Variants in CRYBG3 observed in about 807,000 individuals in gnomAD.
CRYBG3 encodes the protein crystallin beta-gamma domain containing 3, also known as very large A-kinase anchor protein.
A neutral mutation model predicts 244.2 loss-of-function variants in CRYBG3; 127 were observed. That is an observed-to-expected ratio of 0.52 (90% CI 0.45 to 0.60). The LOEUF is 0.60. Ranked by LOEUF, CRYBG3 falls within the 20% of genes least tolerant of loss-of-function variation. The pLI, the probability that CRYBG3 is intolerant of heterozygous loss-of-function variation, is 0.00. For synonymous variants in CRYBG3, 1,132 were observed against 1,195.8 expected, an observed-to-expected ratio of 0.95 and a Z score of 1.10; for missense variants, 3,325 against 3,442.5, an observed-to-expected ratio of 0.97 and a Z score of 0.85.
intron 3 of CRYBG3, among the ~76,000 whole-genome samples, chr3:97,866,274 C>G (rs981564633): frequency 4.6e-5 from 7 of 152,128 alleles, no homozygotes; most frequent in Admixed American, 2.0e-4. Flanking sequence ...CAATATATAT[C>G]AAGAGCCTTA....
chr3:97,871,557 C>T (rs141499059), intron 3 of CRYBG3, among the ~76,000 whole-genome samples: 8 of 152,286 alleles, frequency 5.3e-5, no homozygotes, highest in South Asian at 4.1e-4. Context: ...GGCTTGGACT[C>T]ATATTCTGTT....
chr3:97,915,539 ACAG>A, intron 16 of CRYBG3, 68 bp from the exon 17 acceptor site: 1 of 1,499,896 alleles, frequency 6.7e-7, no homozygotes, highest in East Asian at 2.3e-5. Flanking sequence ...CCCAATTCCC[ACAG>A]CATGATAATG....
chr3:97,875,394 C>T lies in CRYBG3; in HGVS notation c.4200C>T (p.Leu1400=). The T allele has an allele frequency of 1.4e-6, 2 of 1,406,082 alleles. No individual in the cohort carries two copies. Among genetic ancestry groups the T allele is most frequent in the South Asian group, 1.7e-5 (1 of 59,544 alleles). The allele number at this position is 1,406,082 out of a possible 1,614,324, so 87.1% of individuals were successfully genotyped here. The change falls in exon 4 of 22, where the codon CTC becomes CTT. Residue 1400 remains leucine, a synonymous_variant. Coordinates refer to ENST00000389622, the MANE Select transcript of CRYBG3 (RefSeq NM_153605.4). ...CAATTAAGGGAGGAGAAATTGTTCT[C>T]TACCAAAAATCCCTATTTTCTGGAA... ...TESIKGGEIV[L]YQKSLFSGNG...
intron 11 of CRYBG3, 105 bp downstream of exon 11, chr3:97,893,098 T>C: frequency 2.0e-6 from 2 of 987,422 alleles, no homozygotes; most frequent in South Asian, 1.6e-5. Context: ...TCTAAAAATA[T>C]ACATTCCTTC....
rs749913238 is a variant in CRYBG3, at chr3:97,873,598, T to C, written c.2404T>C (p.Ser802Pro). Residue 802 changes from serine (S) to proline (P), a missense_variant, in exon 4 of 22, where the codon TCT (serine) becomes CCT (proline). Ser to Pro is a moderately conservative substitution (Grantham distance 74). Coordinates refer to ENST00000389622, the MANE Select transcript of CRYBG3 (RefSeq NM_153605.4). ...TATGAGCATAATAGAGAAGTCTGAT[T>C]CTCTTTCCTTGGAAGCCAAAACTGC... ...ANMSIIEKSDSLSLEAKTANI... is the reference protein window; with the variant it reads ...ANMSIIEKSDPLSLEAKTANI... 1.4e-5 allele frequency: 21 copies of C among 1,534,574 alleles called. No individual in the cohort carries two copies. The African/African-American group carries it at 2.1e-4, about 15-fold the overall frequency.
At chr3:97,919,581 A>G (rs2039961772) in intron 17 of CRYBG3, among the ~76,000 whole-genome samples, 1 of 152,108 alleles carries the variant, frequency 6.6e-6, no homozygotes, top group Non-Finnish European at 1.5e-5. Context: ...AACAGTGATT[A>G]CAAGAAGACC....
At chr3:97,862,010 A>G (rs368771390) in intron 2 of CRYBG3, among the ~76,000 whole-genome samples, 1 of 152,280 alleles carries the variant, frequency 6.6e-6, no homozygotes, top group African/African-American at 2.4e-5. Flanking sequence ...CATTTAAGGG[A>G]ACTAAAAAAT....
At chr3:97,843,767 C>G (rs1485809251) in intron 2 of CRYBG3, among the ~76,000 whole-genome samples, 1 of 152,186 alleles carries the variant, frequency 6.6e-6, no homozygotes, top group Non-Finnish European at 1.5e-5. Flanking sequence ...AGTAGATAAG[C>G]TACACACCTA....
Position 97,942,309 on chromosome 3 carries a change from T to C in CRYBG3, c.8690T>C (p.Ile2897Thr), listed in dbSNP as rs147784195. The change falls in exon 21 of 22, where the codon ATT becomes ACT. Residue 2897 changes from isoleucine (I) to threonine (T), a missense_variant. By Grantham distance (89) the Ile-to-Thr change is moderately conservative. This residue lies in a region of CRYBG3 where 714 missense variants were observed against 803.6 expected (regional missense o/e 0.89). Transcript: ENST00000389622. Reference sequence around the variant, plus strand: ...GCCAGTGATACATGTCTTGATGTGATTGGTGGCCGGGACACACCTGGAGCT... The same window carrying C: ...GCCAGTGATACATGTCTTGATGTGACTGGTGGCCGGGACACACCTGGAGCT... ...SKASDTCLDV[I>T]GGRDTPGAKV... 17 of 1,610,714 alleles carry C rather than the reference T, an allele frequency of 1.1e-5. No homozygotes were observed. In the African/African-American group the frequency reaches 1.5e-4, roughly 14 times the overall value.
At chr3:97,930,003 G>C (rs879299057) in intron 17 of CRYBG3, among the ~76,000 whole-genome samples, 1 of 151,986 alleles carries the variant, frequency 6.6e-6, no homozygotes, top group Non-Finnish European at 1.5e-5. Context: ...AAATATCTTT[G>C]TAGGCATTCT....
At chr3:97,865,690 C>T (rs746015087) in intron 3 of CRYBG3, among the ~76,000 whole-genome samples, 2 of 152,148 alleles carry the variant, frequency 1.3e-5, no homozygotes, top group Non-Finnish European at 2.9e-5. Flanking sequence ...AATATACTCT[C>T]TTATATGTAA....
Position 97,874,551 on chromosome 3 carries a change from G to T in CRYBG3, c.3357G>T (p.Gly1119=). The change falls in exon 4 of 22, where the codon GGG becomes GGT. Residue 1119 remains glycine (G), a synonymous_variant. Coordinates refer to ENST00000389622, the MANE Select transcript of CRYBG3 (RefSeq NM_153605.4). Reference sequence around the variant, plus strand: ...AATTTGAAACGTCTGTCTCAATTGGGACAGAAGTAACCCCATTTCAGGAAC... The same window carrying T: ...AATTTGAAACGTCTGTCTCAATTGGTACAGAAGTAACCCCATTTCAGGAAC... ...YLEFETSVSI[G]TEVTPFQEHF... 6.5e-7 allele frequency: 1 copy of T among 1,533,224 alleles called. No homozygotes were observed. The highest frequency in any genetic ancestry group is 8.7e-7 in the Non-Finnish European group (1 of 1,144,390). The allele number at this position is 1,533,224 out of a possible 1,614,324, so 95.0% of individuals were successfully genotyped here.
In CRYBG3 at chr3:97,885,645, CT is replaced by C. The variant is rs1259726125; in HGVS notation, c.7153-983del. ...AAAGTAAGAATACAAAGAATTATTT[CT>C]TTAGTTGAGATAGGGGAAACATCTG... On this transcript the variant is annotated intron_variant, in intron 7 of 21. Transcript: ENST00000389622. Among the ~76,000 whole-genome samples, 3 of 152,170 alleles carry C rather than the reference CT, an allele frequency of 2.0e-5. No individual in the cohort carries two copies. The East Asian group carries it at 5.8e-4, about 29-fold the overall frequency.
chr3:97,837,985 C>A (rs372258324), intron 1 of CRYBG3, among the ~76,000 whole-genome samples: 6 of 152,180 alleles, frequency 3.9e-5, no homozygotes, highest in African/African-American at 1.4e-4. Flanking sequence ...TGTGCCTCAC[C>A]CCTCTCCACT....
intron 17 of CRYBG3, among the ~76,000 whole-genome samples, chr3:97,925,632 A>G (rs1042999146): frequency 2.0e-5 from 3 of 152,104 alleles, no homozygotes; most frequent in Admixed American, 6.6e-5. Flanking sequence ...CAAAAGATGC[A>G]TAACCATTAA....
At chr3:97,843,708 G>A (rs1192858554) in intron 2 of CRYBG3, among the ~76,000 whole-genome samples, 2 of 152,182 alleles carry the variant, frequency 1.3e-5, no homozygotes, top group Non-Finnish European at 2.9e-5. Flanking sequence ...AGGTGTGTTT[G>A]GTTAGTTTGC....
At chr3:97,922,745 G>A (rs1368096295) in intron 17 of CRYBG3, among the ~76,000 whole-genome samples, 2 of 152,168 alleles carry the variant, frequency 1.3e-5, no homozygotes, top group Non-Finnish European at 2.9e-5. Context: ...TGGTGGGACT[G>A]TAAACTAGTT....
chr3:97,893,022 AAGT>A lies in CRYBG3; in HGVS notation c.7574+33_7574+35del, dbSNP rs1320772674. Reference sequence around the variant, plus strand: ...AGTATCATATTTTTAACATTTGCACAAGTAGTCTGTTTTTGAAGGTCAGCACAA... The same window carrying A: ...AGTATCATATTTTTAACATTTGCACAAGTCTGTTTTTGAAGGTCAGCACAA... On this transcript the variant is annotated intron_variant, in intron 11 of 21. Coordinates refer to ENST00000389622, the MANE Select transcript of CRYBG3 (RefSeq NM_153605.4). The A allele has an allele frequency of 3.1e-5, 49 of 1,578,456 alleles. No homozygotes were observed. In the Admixed American group the frequency reaches 6.4e-4, roughly 20 times the overall value.
In CRYBG3 at chr3:97,872,667, C is replaced by T. The variant is rs1330453274; in HGVS notation, c.1473C>T (p.Thr491=). 1 of 1,535,770 alleles carries T rather than the reference C, an allele frequency of 6.5e-7. No homozygotes were observed. The highest frequency in any genetic ancestry group is 2.0e-5 in the Admixed American group (1 of 50,980). Residue 491 remains threonine (T), a synonymous_variant, in exon 4 of 22, where the codon ACC becomes ACT. Transcript: ENST00000389622. ...DSSSKQAATH[T]NIIALQRHAV... is the part of the protein sequence containing the mutation. ...CATCAAAGCAAGCTGCCACTCACAC[C>T]AATATCATTGCTCTTCAGAGACATG...
Sources: gnomAD v4.1 joint callset for allele counts (sites outside exome capture counted in the v4.1 genomes callset) on GRCh38, gnomAD v4.1.1 for gene constraint, gnomAD v4.1.1 regional missense constraint, MANE v1.5 for transcripts, NCBI Gene and HGNC (gene_info 2026-07-23, HGNC 2026-07-21) for gene names.